The following NCKAP5 variants were observed in gnomAD, a reference collection of about 807,000 sequenced individuals.
NCKAP5 encodes the protein nck-associated protein 5.
NCKAP5 carries 92 observed loss-of-function variants against 167.0 expected under a neutral mutation model. That is an observed-to-expected ratio of 0.55 (90% CI 0.47 to 0.66). The LOEUF is 0.66. Ranked by LOEUF, NCKAP5 falls within the 30% of genes least tolerant of loss-of-function variation. NCKAP5 has a pLI of 0.00. For missense variants in NCKAP5, 2,378 were observed against 2,315.0 expected (o/e 1.03, Z -0.56); for synonymous variants, 891 against 877.4 (o/e 1.02, Z -0.27).
intron 6 of NCKAP5, among the ~76,000 whole-genome samples, chr2:133,112,825 G>C (rs1420560249): frequency 6.6e-6 from 1 of 152,140 alleles, no homozygotes. Context: ...CACTAAATGG[G>C]GCACAAGGTC....
intron 11 of NCKAP5, among the ~76,000 whole-genome samples, chr2:132,842,726 A>ATTTT (rs140841877): frequency 6.8e-6 from 1 of 146,144 alleles, no homozygotes; most frequent in African/African-American, 2.5e-5. Flanking sequence ...TTTCTTTTTC[A>ATTTT]TTTTTTTTTC....
chr2:132,732,090 G>A (rs768969956), intron 16 of NCKAP5, 39 bp from the exon 17 acceptor site: 2 of 1,537,692 alleles, frequency 1.3e-6, no homozygotes, highest in African/African-American at 1.4e-5. Context: ...AATAGAGAAG[G>A]CTCACATAAA....
intron 3 of NCKAP5, among the ~76,000 whole-genome samples, chr2:133,388,825 C>A (rs568656594): frequency 6.6e-6 from 1 of 152,336 alleles, no homozygotes; most frequent in East Asian, 1.9e-4. Context: ...GGGCGTGGGA[C>A]CCTCCGAGCC....
chr2:133,548,904 A>G (rs1215510324), intron 2 of NCKAP5, among the ~76,000 whole-genome samples: 4 of 152,054 alleles, frequency 2.6e-5, no homozygotes, highest in Non-Finnish European at 5.9e-5. Flanking sequence ...TAAATGGACT[A>G]AATGCTCCAA....
chr2:133,092,753 T>C (rs911425747), intron 6 of NCKAP5, among the ~76,000 whole-genome samples: 6 of 152,238 alleles, frequency 3.9e-5, no homozygotes, highest in African/African-American at 1.4e-4. Flanking sequence ...GTACGTTTTA[T>C]GGTTTTTTGC....
At chr2:132,931,273 A>C (rs539154105) in intron 8 of NCKAP5, 12 of 152,232 alleles carry the variant, frequency 7.9e-5, no homozygotes, top group Non-Finnish European at 1.3e-4. Context: ...AACCTAGCTT[A>C]ACAGGCAGAC....
At chr2:133,499,026 G>T (rs1682239076) in intron 3 of NCKAP5, among the ~76,000 whole-genome samples, 1 of 152,222 alleles carries the variant, frequency 6.6e-6, no homozygotes, top group Non-Finnish European at 1.5e-5. Context: ...TAATACAGGT[G>T]GCCAACCCAA....
chr2:133,183,293 G>A (rs917669291), intron 5 of NCKAP5, among the ~76,000 whole-genome samples: 1 of 151,842 alleles, frequency 6.6e-6, no homozygotes, highest in Non-Finnish European at 1.5e-5. Context: ...ATACTAAAAC[G>A]AGATAAAGGC....
At chr2:133,518,915 T>C (rs1252922470) in intron 2 of NCKAP5, among the ~76,000 whole-genome samples, 8 of 152,246 alleles carry the variant, frequency 5.3e-5, no homozygotes, top group Admixed American at 4.6e-4. Context: ...ATATAGAAAT[T>C]GCTCATAATC....
chr2:133,528,072 A>C (rs1278727235), intron 2 of NCKAP5, among the ~76,000 whole-genome samples: 1 of 152,086 alleles, frequency 6.6e-6, no homozygotes, highest in East Asian at 1.9e-4. Flanking sequence ...CAAAAAACAA[A>C]ACAAACAAAC....
chr2:132,823,954 A>G (rs1271059164), intron 11 of NCKAP5, among the ~76,000 whole-genome samples: 3 of 152,196 alleles, frequency 2.0e-5, no homozygotes, highest in Admixed American at 6.5e-5. Context: ...ACATTATATA[A>G]TGATAAAAGG....
chr2:133,236,180 G>C (rs1476991289), intron 4 of NCKAP5, among the ~76,000 whole-genome samples: 3 of 149,884 alleles, frequency 2.0e-5, no homozygotes, highest in Non-Finnish European at 4.4e-5. Context: ...CTATGAGTTC[G>C]ATGCTGATGA....
intron 8 of NCKAP5, among the ~76,000 whole-genome samples, chr2:132,884,904 G>A (rs766343834): frequency 2.6e-5 from 4 of 152,158 alleles, no homozygotes; most frequent in Non-Finnish European, 4.4e-5. Flanking sequence ...GATAATTACC[G>A]TCATTATACC....
At chr2:133,247,622 C>T (rs1336011234) in intron 4 of NCKAP5, among the ~76,000 whole-genome samples, 4 of 152,144 alleles carry the variant, frequency 2.6e-5, no homozygotes, top group Non-Finnish European at 5.9e-5. Flanking sequence ...TAGTTAAAGA[C>T]CCACTTAAAA....
In NCKAP5 at chr2:132,785,457, A is replaced by AG. The variant is rs1683487294; in HGVS notation, c.1353dup (p.Cys452LeufsTer5). ...GGGCTCCCCAGGTCAGCTGTTTTGCAGGGGGGATACTCCTTGAGGCTGCTA... is the reference window on the plus strand; with the variant it reads ...GGGCTCCCCAGGTCAGCTGTTTTGCAGGGGGGGATACTCCTTGAGGCTGCTA... On this transcript the variant is annotated frameshift_variant, in exon 14 of 20. Transcript: ENST00000409261. LOFTEE classifies it high-confidence loss of function. The AG allele has an allele frequency of 6.2e-7, 1 of 1,613,622 alleles. No homozygotes were observed. Among genetic ancestry groups the AG allele is most frequent in the African/African-American group, 1.3e-5 (1 of 74,916 alleles).
At chr2:132,815,935 A>C (rs1686234155) in intron 11 of NCKAP5, among the ~76,000 whole-genome samples, 1 of 152,184 alleles carries the variant, frequency 6.6e-6, no homozygotes, top group African/African-American at 2.4e-5. Context: ...CAGCCTCACC[A>C]ATGAGCTTCC....
chr2:133,284,511 C>T (rs1176734727), intron 4 of NCKAP5, among the ~76,000 whole-genome samples: 1 of 152,176 alleles, frequency 6.6e-6, no homozygotes, highest in Non-Finnish European at 1.5e-5. Context: ...ACAGATGGCA[C>T]GTGGCCATGA....
intron 6 of NCKAP5, among the ~76,000 whole-genome samples, chr2:133,036,891 A>G (rs1301590891): frequency 6.6e-6 from 1 of 152,068 alleles, no homozygotes; most frequent in East Asian, 1.9e-4. Flanking sequence ...CCTTGTTGGC[A>G]GATGATATGA....
At chr2:133,612,773 T>C in the NCKAP5 span, among the ~76,000 whole-genome samples, 1 of 152,234 alleles carries the variant, frequency 6.6e-6, no homozygotes, top group South Asian at 2.1e-4. Flanking sequence ...ATGGATCAAA[T>C]GAATACTAAG....
Sources: allele counts gnomAD v4.1 joint callset (sites outside exome capture counted in the v4.1 genomes callset), GRCh38; gene constraint gnomAD v4.1.1; transcripts MANE v1.5; gene names NCBI Gene and HGNC (gene_info 2026-07-23, HGNC 2026-07-21).